Variants in PRKAG3 observed in about 807,000 individuals in gnomAD.
The protein encoded by PRKAG3 is protein kinase AMP-activated non-catalytic subunit gamma 3.
In PRKAG3, 39 loss-of-function variants were observed where a neutral mutation model predicts 56.5. The observed-to-expected ratio is 0.69, with a 90% CI of 0.53 to 0.90. PRKAG3 has a LOEUF of 0.90. PRKAG3 is among the 40% of genes least tolerant of loss of function. The pLI is 0.00. For synonymous variants in PRKAG3, 243 were observed against 250.1 expected, an observed-to-expected ratio of 0.97 and a Z score of 0.27; for missense variants, 628 against 627.5, an observed-to-expected ratio of 1.00 and a Z score of -0.01.
downstream of PRKAG3, chr2:218,823,065 G>A (rs1367613391): frequency 1.0e-6 from 1 of 962,954 alleles, no homozygotes; most frequent in Non-Finnish European, 1.2e-6. Context: ...AATTTGGGAG[G>A]GCTGAAGAAG....
intron 11 of PRKAG3, 55 bp downstream of exon 11, chr2:218,824,484 C>A (rs1256701761): frequency 6.2e-7 from 1 of 1,603,916 alleles, no homozygotes; most frequent in East Asian, 2.2e-5. Flanking sequence ...GGCCCCCCAC[C>A]CATCCCCACA....
intron 12 of PRKAG3, 122 bp from the exon 13 acceptor site, chr2:218,824,000 AC>A: frequency 8.1e-7 from 1 of 1,237,920 alleles, no homozygotes; most frequent in Non-Finnish European, 1.2e-6. Flanking sequence ...TCTCCTAGAA[AC>A]CAGTTAGGGA....
intron 2 of PRKAG3, 128 bp from the exon 3 acceptor site, chr2:218,831,029 A>T: frequency 8.4e-7 from 1 of 1,183,654 alleles, no homozygotes; most frequent in Non-Finnish European, 1.2e-6. Flanking sequence ...TCTCATTTAA[A>T]ACTTACAGCA....
At chr2:218,828,960 G>C (rs1943977877) in intron 4 of PRKAG3, among the ~76,000 whole-genome samples, 1 of 152,132 alleles carries the variant, frequency 6.6e-6, no homozygotes, top group Non-Finnish European at 1.5e-5. Flanking sequence ...CGGAGGCATA[G>C]TTATTTACAT....
At chr2:218,824,791 C>G (rs1197272706) in intron 10 of PRKAG3, among the ~76,000 whole-genome samples, 1 of 152,138 alleles carries the variant, frequency 6.6e-6, no homozygotes, top group Non-Finnish European at 1.5e-5. Flanking sequence ...ACAAAATAGT[C>G]TAGCCTCGAA....
chr2:218,823,970 C>T lies in PRKAG3; in HGVS notation c.1354-92G>A, dbSNP rs1305759373. On this transcript the variant is annotated intron_variant, in intron 12 of 12. Transcript: ENST00000529249. ...CCAAGAATCAGGGGAAACAACCCAA[C>T]ATGACTGAGGGAGAGAGCGTCTCCT... 5.9e-6 allele frequency: 8 copies of T among 1,346,532 alleles called. No individual in the cohort carries two copies. The Admixed American group carries it at 8.4e-5, about 14-fold the overall frequency. The allele number at this position is 1,346,532 out of a possible 1,614,324, so 83.4% of individuals were successfully genotyped here.
chr2:218,824,728 G>T (rs962839661), intron 10 of PRKAG3, 152 bp from the exon 11 acceptor site: 8 of 717,678 alleles, frequency 1.1e-5, no homozygotes, highest in Non-Finnish European at 1.8e-5. Flanking sequence ...GAGTGAGACA[G>T]CCTGACATTG....
At position 218,830,435 on chromosome 2, in the gene PRKAG3, C is replaced by T. The variant is rs1387289040; in HGVS notation, c.230-54G>A. The T allele has an allele frequency of 5.8e-6, 9 of 1,563,542 alleles. No individual in the cohort carries two copies. In the East Asian group the frequency reaches 2.0e-4, roughly 35 times the overall value. On this transcript the variant is annotated intron_variant, in intron 3 of 12. Coordinates refer to ENST00000529249, the Ensembl canonical transcript of PRKAG3. ...GTAACTCCATCTTCCAAAGCACGTTCTCATCTGCTGTCGCCATTCATCTCA... is the reference window on the plus strand; with the variant it reads ...GTAACTCCATCTTCCAAAGCACGTTTTCATCTGCTGTCGCCATTCATCTCA...
rs775874370 is a variant in PRKAG3 at position 218,831,761 on chromosome 2, C to T, written c.10G>A (p.Gly4Arg). 115 of 1,610,314 alleles carry T rather than the reference C, an allele frequency of 7.1e-5. No homozygotes were observed. The highest frequency in any genetic ancestry group is 5.9e-5 in the Non-Finnish European group (69 of 1,178,946). ...ACCCTGCGCAGTGCGTGCTCCAGCC[C>T]GGGCTCCATGTGGCCAGCCCCAGAC... is the stretch of plus-strand genomic sequence containing the variant. Residue 4 changes from glycine to arginine, a missense_variant, in exon 1 of 13, where the codon GGG becomes AGG. Coordinates refer to ENST00000529249, the Ensembl canonical transcript of PRKAG3.
intron 5 of PRKAG3, among the ~76,000 whole-genome samples, 184 bp from the exon 6 acceptor site, chr2:218,828,246 C>A (rs540666112): frequency 6.6e-6 from 1 of 152,214 alleles, no homozygotes; most frequent in Non-Finnish European, 1.5e-5. Context: ...TGCCTCCCCC[C>A]ATTTGCTCCC....
chr2:218,827,462 G>A lies in PRKAG3; in HGVS notation c.876-89C>T, dbSNP rs573882879. ...CCTAAAAAGGAGGGCAGGGCACCAA[G>A]GCTCCCTTGTCTGTGTGCCGCCTAG... On this transcript the variant is annotated intron_variant, in intron 8 of 12. Coordinates refer to ENST00000529249, the Ensembl canonical transcript of PRKAG3. The surrounding 1 kb of genome is among the most constrained non-coding windows in gnomAD (Gnocchi z 5.3). 3.1e-5 allele frequency: 50 copies of A among 1,606,570 alleles called. No individual in the cohort carries two copies. The South Asian group carries it at 5.2e-4, about 17-fold the overall frequency.
At chr2:218,823,791 G>A (rs1287338671) in exon 13 of PRKAG3, 2 of 1,614,126 alleles carry the variant, frequency 1.2e-6, no homozygotes, top group East Asian at 2.2e-5. Flanking sequence ...ATGCCAGCAG[G>A]GCTGAGCACC....
rs17848615 is a variant in PRKAG3, at chr2:218,828,571, G to A, written c.663C>T (p.Ala221=). Reference sequence around the variant, plus strand: ...ATAGAGGGGCTGCCCGCACACCGTTGGCCACCAGAGCAAAGAAGGCCTTCT... The same window carrying A: ...ATAGAGGGGCTGCCCGCACACCGTTAGCCACCAGAGCAAAGAAGGCCTTCT... The change falls in exon 5 of 13, where the codon GCC becomes GCT. Residue 221 remains alanine (A), a synonymous_variant. Transcript: ENST00000529249. The A allele has an allele frequency of 1.9e-4, 300 of 1,613,660 alleles. No individual in the cohort carries two copies. The East Asian group carries it at 6.0e-3, about 32-fold the overall frequency.
At chr2:218,823,087 A>G, downstream of PRKAG3, 1 of 932,838 alleles carries the variant, frequency 1.1e-6, no homozygotes, top group South Asian at 4.9e-5. Context: ...CTGTGGGGAA[A>G]AGAAAAGGGA....
chr2:218,830,313 C>G lies in PRKAG3; in HGVS notation c.298G>C (p.Ala100Pro), dbSNP rs779691724. 7.4e-6 allele frequency: 12 copies of G among 1,612,472 alleles called. No homozygotes were observed. In the Admixed American group the frequency reaches 2.0e-4, roughly 27 times the overall value. The change falls in exon 4 of 13, where the codon GCT becomes CCT. Residue 100 changes from alanine (A) to proline (P), a missense_variant. Transcript: ENST00000529249. ...CCCACCCCGGCAGGATCAGCTTGAG[C>G]CAAGGGTGTGGTCTTGGGGAATGTG...
intron 10 of PRKAG3, chr2:218,826,510 G>GTAGA: frequency 4.0e-6 from 1 of 252,554 alleles, no homozygotes; most frequent in Non-Finnish European, 7.9e-6. Flanking sequence ...AGGTTGGAGT[G>GTAGA]TCACTGTATG....
Position 218,828,613 on chromosome 2 carries a change from G to A in PRKAG3, c.634-13C>T, listed in dbSNP as rs754317180. 6.2e-7 allele frequency: 1 copy of A among 1,611,082 alleles called. No homozygotes were observed. The highest frequency in any genetic ancestry group is 8.5e-7 in the Non-Finnish European group (1 of 1,178,416). ...AGGCCTTCTTGATCTGAGGGGCCAG[G>A]GAGAACAGTCAAGGGTGGGTCCCGA... On this transcript the variant is annotated splice_polypyrimidine_tract_variant and intron_variant, in intron 4 of 12. Transcript: ENST00000529249.
At chr2:218,828,123 G>A in intron 5 of PRKAG3, 61 bp from the exon 6 acceptor site, 2 of 1,434,430 alleles carry the variant, frequency 1.4e-6, no homozygotes, top group Non-Finnish European at 1.9e-6. Flanking sequence ...CAGGTTGAGG[G>A]TCAGATCCCC....
At chr2:218,824,642 G>T in intron 10 of PRKAG3, 66 bp from the exon 11 acceptor site, 1 of 1,452,870 alleles carries the variant, frequency 6.9e-7, no homozygotes, top group Non-Finnish European at 9.7e-7. Context: ...CAGAACCGGG[G>T]TGCTGTGTAG....
Sources: gnomAD v4.1 joint callset for allele counts (sites outside exome capture counted in the v4.1 genomes callset) on GRCh38, gnomAD v4.1.1 for gene constraint, Gnocchi (gnomAD v3.1) non-coding constraint, MANE v1.5 for transcripts, NCBI Gene and HGNC (gene_info 2026-07-23, HGNC 2026-07-21) for gene names.